SGCD: variants seen among roughly 807,000 people sequenced by gnomAD.
SGCD encodes sarcoglycan delta.
In SGCD, 18 loss-of-function variants were observed where a neutral mutation model predicts 36.6. The ratio of observed to expected loss-of-function variants is 0.49; its 90% confidence interval spans 0.34 to 0.73. SGCD has a LOEUF of 0.73. SGCD is among the 30% of genes least tolerant of loss of function. SGCD has a pLI of 0.01. For missense variants in SGCD, 387 were observed against 346.7 expected (o/e 1.12, Z -0.92); for synonymous variants, 133 against 130.6 (o/e 1.02, Z -0.12).
At chr5:155,918,673 T>TA (rs1249850803) in intron 1 of SGCD, among the ~76,000 whole-genome samples, 1 of 152,192 alleles carries the variant, frequency 6.6e-6, no homozygotes, top group Non-Finnish European at 1.5e-5. Flanking sequence ...ATCATACAGT[T>TA]AGTTTTTTTC....
chr5:156,248,721 C>T (rs953861299), intron 3 of SGCD, among the ~76,000 whole-genome samples: 8 of 152,178 alleles, frequency 5.3e-5, no homozygotes, highest in Non-Finnish European at 1.2e-4. Context: ...TATGTGGAAG[C>T]TGAATTCGGA....
intron 4 of SGCD, among the ~76,000 whole-genome samples, chr5:156,529,250 C>A (rs2113088557): frequency 6.6e-6 from 1 of 152,108 alleles, no homozygotes; most frequent in Admixed American, 6.5e-5. Flanking sequence ...CATGGTCAAA[C>A]CCCGTCTCTA....
chr5:155,763,487 C>T, the SGCD span, among the ~76,000 whole-genome samples: 1 of 152,110 alleles, frequency 6.6e-6, no homozygotes, highest in African/African-American at 2.4e-5. Flanking sequence ...ATGCTCCCAA[C>T]AAGATGGGCA....
intron 3 of SGCD, among the ~76,000 whole-genome samples, chr5:156,282,140 A>G (rs1766470055): frequency 6.6e-6 from 1 of 152,068 alleles, no homozygotes; most frequent in South Asian, 2.1e-4. Flanking sequence ...ACTGGTGGAG[A>G]GAATATGTTG....
At chr5:156,656,016 AT>A (rs1276655662) in intron 7 of SGCD, among the ~76,000 whole-genome samples, 6 of 152,156 alleles carry the variant, frequency 3.9e-5, no homozygotes, top group Admixed American at 2.0e-4. Flanking sequence ...TCCTACGAGA[AT>A]AGGAAGTAGA....
intron 3 of SGCD, among the ~76,000 whole-genome samples, chr5:156,219,042 G>A (rs1764652631): frequency 6.6e-6 from 1 of 152,084 alleles, no homozygotes; most frequent in African/African-American, 2.4e-5. Flanking sequence ...TGTTCATAAG[G>A]AAGAAATTAA....
intron 3 of SGCD, among the ~76,000 whole-genome samples, chr5:156,499,516 T>C (rs1409120035): frequency 6.6e-6 from 1 of 152,128 alleles, no homozygotes; most frequent in Non-Finnish European, 1.5e-5. Flanking sequence ...ATGAAAGATA[T>C]GATATGAAAA....
At chr5:156,459,583 T>G (rs1207299056) in intron 3 of SGCD, among the ~76,000 whole-genome samples, 1 of 152,206 alleles carries the variant, frequency 6.6e-6, no homozygotes, top group African/African-American at 2.4e-5. Context: ...CCATGTCTTC[T>G]CTCATGTTTT....
chr5:156,521,113 T>C (rs1043560623), intron 4 of SGCD, among the ~76,000 whole-genome samples: 3 of 151,854 alleles, frequency 2.0e-5, no homozygotes, highest in African/African-American at 7.3e-5. Flanking sequence ...GTATTCCCTA[T>C]TTAATAAAAC....
chr5:155,858,563 T>C, the SGCD span, among the ~76,000 whole-genome samples: 1 of 152,352 alleles, frequency 6.6e-6, no homozygotes, highest in South Asian at 2.1e-4. Context: ...ATATCCAACT[T>C]AGTTTTCAGC....
chr5:156,753,952 T>C (rs920503394), intron 7 of SGCD, among the ~76,000 whole-genome samples: 2 of 152,206 alleles, frequency 1.3e-5, no homozygotes, highest in African/African-American at 2.4e-5. Flanking sequence ...TAAGTCTGCT[T>C]GAACATCAAA....
intron 7 of SGCD, among the ~76,000 whole-genome samples, chr5:156,728,978 A>C (rs371196771): frequency 2.6e-4 from 39 of 152,292 alleles, no homozygotes; most frequent in South Asian, 1.2e-3. Context: ...AGCCCTTGAA[A>C]CCTTATGTAA....
intron 3 of SGCD, among the ~76,000 whole-genome samples, chr5:156,371,520 G>A (rs1249229616): frequency 6.6e-6 from 1 of 152,230 alleles, no homozygotes; most frequent in Non-Finnish European, 1.5e-5. Flanking sequence ...CTACAGGCAG[G>A]AGAGAAGGAG....
chr5:156,747,304 A>C (rs1756981379), intron 7 of SGCD, among the ~76,000 whole-genome samples: 1 of 152,194 alleles, frequency 6.6e-6, no homozygotes, highest in Admixed American at 6.5e-5. Context: ...CATTACCCCA[A>C]AACTTAGCAG....
intron 4 of SGCD, among the ~76,000 whole-genome samples, chr5:156,533,176 T>G (rs1757959880): frequency 6.6e-6 from 1 of 152,148 alleles, no homozygotes; most frequent in South Asian, 2.1e-4. Context: ...CTCTGGTCAT[T>G]CCTCACACCC....
At chr5:155,827,845 A>ATTTTTTTT in the SGCD span, among the ~76,000 whole-genome samples, 53 of 124,906 alleles carry the variant, frequency 4.2e-4, 2 homozygotes, top group African/African-American at 7.0e-4. Context: ...CACCTGGCTA[A>ATTTTTTTT]TTTTTTTTTT....
At chr5:156,540,066 G>C (rs958711711) in intron 4 of SGCD, among the ~76,000 whole-genome samples, 1 of 152,096 alleles carries the variant, frequency 6.6e-6, no homozygotes, top group Non-Finnish European at 1.5e-5. Flanking sequence ...TTCATCTTTA[G>C]TGAAAGAAAC....
At chr5:155,874,692 G>A (rs1425474792) in intron 1 of SGCD, among the ~76,000 whole-genome samples, 1 of 152,006 alleles carries the variant, frequency 6.6e-6, no homozygotes, top group Non-Finnish European at 1.5e-5. Flanking sequence ...GGAGATGCAC[G>A]TTTAAACCAC....
At chr5:155,735,748 G>C in the SGCD span, among the ~76,000 whole-genome samples, 4 of 152,166 alleles carry the variant, frequency 2.6e-5, no homozygotes, top group Non-Finnish European at 5.9e-5. Flanking sequence ...TTACTGATCG[G>C]GCAAACTCCT....
Sources: allele counts gnomAD v4.1 joint callset (sites outside exome capture counted in the v4.1 genomes callset), GRCh38; gene constraint gnomAD v4.1.1; transcripts MANE v1.5; gene names NCBI Gene and HGNC (gene_info 2026-07-23, HGNC 2026-07-21).